Variants in TLK1 observed in about 807,000 individuals in gnomAD.
TLK1 encodes serine/threonine-protein kinase tousled-like 1.
TLK1 carries 24 observed loss-of-function variants against 105.3 expected under a neutral mutation model. The observed-to-expected ratio is 0.23, with a 90% confidence interval of 0.17 to 0.32. The LOEUF (loss-of-function observed/expected upper bound fraction) is 0.32, where lower values mean the gene tolerates loss of function less well. TLK1 is among the 10% of genes least tolerant of loss of function. TLK1 has a pLI of 1.00. For missense variants in TLK1, 558 were observed against 910.5 expected (o/e 0.61, Z 4.98); for synonymous variants, 321 against 310.4 (o/e 1.03, Z -0.36).
chr2:171,116,465 C>A (rs1690430860), intron 2 of TLK1, among the ~76,000 whole-genome samples: 1 of 152,098 alleles, frequency 6.6e-6, no homozygotes, highest in Admixed American at 6.5e-5. Context: ...CTTTGGGAGG[C>A]CGAGGTGGGT....
intron 1 of TLK1, among the ~76,000 whole-genome samples, chr2:171,198,257 G>A (rs1693314024): frequency 6.6e-6 from 1 of 152,170 alleles, no homozygotes; most frequent in South Asian, 2.1e-4. Flanking sequence ...TATTTGACAT[G>A]CATATTTAAT....
rs772044224 is a variant in TLK1 at position 170,997,749 on chromosome 2, A to G, written c.1979T>C (p.Val660Ala). 1 of 1,610,646 alleles carries G rather than the reference A, an allele frequency of 6.2e-7. No individual in the cohort carries two copies. Among genetic ancestry groups the G allele is most frequent in the South Asian group, 1.1e-5 (1 of 90,304 alleles). ...AAGACACTGAAAGAAGATGACTCCA[A>G]CCGACCATACATCAACCTTGTTGGA... ...KISNKVDVWSVGVIFFQCLYG... is the reference protein window; with the variant it reads ...KISNKVDVWSAGVIFFQCLYG... The change falls in exon 19 of 21, where the codon GTT becomes GCT. Residue 660 changes from valine to alanine, a missense_variant. By Grantham distance (64) the Val-to-Ala change is moderately conservative (BLOSUM62 0). Transcript: ENST00000431350.
intron 1 of TLK1, among the ~76,000 whole-genome samples, chr2:171,222,845 C>T (rs1466046356): frequency 6.6e-6 from 1 of 151,876 alleles, no homozygotes; most frequent in South Asian, 2.1e-4. Flanking sequence ...GATGGAGTCT[C>T]GCTCTGTCGC....
intron 1 of TLK1, among the ~76,000 whole-genome samples, chr2:171,128,172 T>C (rs924602450): frequency 1.3e-5 from 2 of 152,208 alleles, no homozygotes; most frequent in African/African-American, 2.4e-5. Context: ...TAAGGAGATA[T>C]GGCTTGCATC....
At chr2:171,018,975 C>T (rs959676295) in intron 12 of TLK1, among the ~76,000 whole-genome samples, 27 of 152,178 alleles carry the variant, frequency 1.8e-4, no homozygotes, top group African/African-American at 6.3e-4. Context: ...TAACAATACA[C>T]ACTATAGCTA....
intron 2 of TLK1, among the ~76,000 whole-genome samples, chr2:171,098,652 A>G (rs762731902): frequency 1.3e-5 from 2 of 152,190 alleles, no homozygotes; most frequent in African/African-American, 2.4e-5. Flanking sequence ...TGATAGTGAA[A>G]CCAGATAAAA....
At chr2:171,199,046 C>A (rs756709136) in intron 1 of TLK1, among the ~76,000 whole-genome samples, 1 of 151,804 alleles carries the variant, frequency 6.6e-6, no homozygotes, top group Non-Finnish European at 1.5e-5. Flanking sequence ...ATTTGTTTTT[C>A]AAAAAAGGGA....
At chr2:171,137,641 G>T (rs996064712) in intron 1 of TLK1, among the ~76,000 whole-genome samples, 5 of 152,028 alleles carry the variant, frequency 3.3e-5, no homozygotes, top group African/African-American at 1.2e-4. Context: ...CTGAGCTCAG[G>T]AGTTCGCGAC....
chr2:171,172,496 T>G (rs1408620650), intron 1 of TLK1, among the ~76,000 whole-genome samples: 1 of 152,172 alleles, frequency 6.6e-6, no homozygotes, highest in African/African-American at 2.4e-5. Context: ...TTGATATGGT[T>G]TGAATCTGTG....
intron 3 of TLK1, among the ~76,000 whole-genome samples, chr2:171,077,529 C>A (rs892595256): frequency 1.8e-4 from 27 of 152,212 alleles, no homozygotes; most frequent in African/African-American, 6.5e-4. Context: ...CAATTAACTA[C>A]AATCTGGCAT....
chr2:171,126,307 T>C (rs954345143), intron 1 of TLK1, among the ~76,000 whole-genome samples: 1 of 152,160 alleles, frequency 6.6e-6, no homozygotes, highest in Admixed American at 6.5e-5. Context: ...ACCCATTAGT[T>C]TGTCATGTTT....
intron 11 of TLK1, among the ~76,000 whole-genome samples, chr2:171,039,193 T>A (rs1215376428): frequency 6.6e-6 from 1 of 152,208 alleles, no homozygotes; most frequent in Non-Finnish European, 1.5e-5. Context: ...TCTGGCTGCT[T>A]AAGAATTTTT....
At chr2:171,071,832 C>A (rs1012855464) in intron 3 of TLK1, among the ~76,000 whole-genome samples, 1 of 152,150 alleles carries the variant, frequency 6.6e-6, no homozygotes, top group African/African-American at 2.4e-5. Context: ...ATTTATTGAA[C>A]AGACTGTCCT....
At chr2:171,098,418 GA>G (rs1689545950) in intron 2 of TLK1, among the ~76,000 whole-genome samples, 2 of 152,030 alleles carry the variant, frequency 1.3e-5, no homozygotes, top group African/African-American at 2.4e-5. Flanking sequence ...TAGAAAGGTA[GA>G]AATAAATAAT....
At chr2:171,067,642 T>C (rs1474446097) in intron 3 of TLK1, among the ~76,000 whole-genome samples, 1 of 152,172 alleles carries the variant, frequency 6.6e-6, no homozygotes, top group African/African-American at 2.4e-5. Flanking sequence ...CTTTAAGTTC[T>C]GAGGTACATG....
intron 11 of TLK1, among the ~76,000 whole-genome samples, chr2:171,036,124 G>A (rs1387267087): frequency 6.6e-6 from 1 of 152,166 alleles, no homozygotes; most frequent in African/African-American, 2.4e-5. Flanking sequence ...AACTGGGCAG[G>A]GGACAGAGGC....
At position 171,194,675 on chromosome 2, in the gene TLK1, G is replaced by C. The variant is rs566758509; in HGVS notation, c.-6+36470C>G. ...TACTAAAAATACAAAAAATTAGCCG[G>C]GCGTGGTAGCGGGCGCCTGTAGTCC... On this transcript the variant is annotated intron_variant, in intron 1 of 20. Coordinates refer to the TLK1 transcript ENST00000521943. Among the ~76,000 whole-genome samples the C allele has an allele frequency of 2.0e-3, 308 of 150,902 alleles. 1 individual carries two copies. Among genetic ancestry groups the C allele is most frequent in the African/African-American group, 7.3e-3 (294 of 40,502 alleles).
chr2:170,994,538 C>CA (rs11397597), intron 20 of TLK1, among the ~76,000 whole-genome samples: 50,829 of 129,216 alleles, frequency 0.39, 8,932 homozygotes, highest in East Asian at 0.41. Flanking sequence ...TAGCCTCTTA[C>CA]AAAAAAAAAA....
At chr2:171,093,195 T>C (rs1529378) in intron 2 of TLK1, among the ~76,000 whole-genome samples, 59,352 of 152,096 alleles carry the variant, frequency 0.39, 12,956 homozygotes, top group African/African-American at 0.57. Context: ...CAGAGCTAAG[T>C]GCTGAGACCA....
Sources: gnomAD v4.1 joint callset for allele counts (sites outside exome capture counted in the v4.1 genomes callset) on GRCh38, gnomAD v4.1.1 for gene constraint, MANE v1.5 for transcripts, NCBI Gene and HGNC (gene_info 2026-07-23, HGNC 2026-07-21) for gene names.